WNT11: variants seen among roughly 807,000 people sequenced by gnomAD.
The protein encoded by WNT11 is Wnt family member 11.
Under a neutral mutation model 35.6 loss-of-function variants are expected in WNT11, and 20 were observed. That is an observed-to-expected ratio of 0.56 (90% CI 0.40 to 0.82). The LOEUF (loss-of-function observed/expected upper bound fraction) is 0.82, where lower values mean the gene tolerates loss of function less well. Among genes scored for constraint, WNT11 ranks in the 40% least tolerant of loss-of-function variants. The probability of loss-of-function intolerance (pLI) is 0.00; values close to 1 mark genes in which losing one functional copy is unlikely to be tolerated. For synonymous variants in WNT11, 200 were observed against 211.9 expected, an observed-to-expected ratio of 0.94 and a Z score of 0.49; for missense variants, 459 against 504.4, an observed-to-expected ratio of 0.91 and a Z score of 0.86.
At chr11:76,200,361 G>T (rs1016100047) in intron 1 of WNT11, among the ~76,000 whole-genome samples, 14 of 152,202 alleles carry the variant, frequency 9.2e-5, no homozygotes, top group Non-Finnish European at 1.8e-4. Flanking sequence ...ACCTGTTGCT[G>T]AACCCTGCCT....
At chr11:76,204,290 A>G (rs1953433887) in intron 1 of WNT11, among the ~76,000 whole-genome samples, 1 of 152,284 alleles carries the variant, frequency 6.6e-6, no homozygotes, top group Admixed American at 6.5e-5. Flanking sequence ...TTGCTAGACT[A>G]TCAGTTTCTC....
Position 76,194,810 on chromosome 11 carries a change from C to G in WNT11, c.354G>C (p.Ser118=). The change falls in exon 3 of 5, where the codon TCG becomes TCC. Residue 118 remains serine, a synonymous_variant. Coordinates refer to ENST00000322563, the MANE Select transcript of WNT11 (RefSeq NM_004626.3). This position sits in a 1 kb window ranked among gnomAD's most constrained non-coding sequence, Gnocchi z 5.4. ...CGATGGCGTGGCTGATGGCGGCGGC[C>G]GACAGCGCATACACGAAGGCCGACT... The part of the protein sequence containing the change: ...TRESAFVYAL[S]AAAISHAIAR... 1 of 1,546,316 alleles carries G rather than the reference C, an allele frequency of 6.5e-7. No individual in the cohort carries two copies. The highest frequency in any genetic ancestry group is 8.7e-7 in the Non-Finnish European group (1 of 1,152,768).
chr11:76,199,487 G>A (rs1442349629), intron 1 of WNT11, among the ~76,000 whole-genome samples: 1 of 147,292 alleles, frequency 6.8e-6, no homozygotes. Context: ...AAAAAAAAAA[G>A]GCTATGGTGA....
At chr11:76,200,546 A>G (rs913439255) in intron 1 of WNT11, among the ~76,000 whole-genome samples, 27 of 151,918 alleles carry the variant, frequency 1.8e-4, no homozygotes, top group East Asian at 1.5e-3. Flanking sequence ...AGAGCCTCCC[A>G]CTTCACACCT....
Position 76,194,768 on chromosome 11 carries a change from G to A in WNT11, c.396C>T (p.Ser132=), listed in dbSNP as rs1004801935. ...ISHAIARACT[S]GDLPGCSCGP... is the part of the protein sequence containing the mutation. Reference sequence around the variant, plus strand: ...CGCAGGAGCAGCCGGGCAGGTCGCCGGAGGTGCAGGCCCGGGCGATGGCGT... The same window carrying A: ...CGCAGGAGCAGCCGGGCAGGTCGCCAGAGGTGCAGGCCCGGGCGATGGCGT... Residue 132 remains serine, a synonymous_variant, in exon 3 of 5, where the codon TCC becomes TCT. Coordinates refer to ENST00000322563, the MANE Select transcript of WNT11 (RefSeq NM_004626.3). The surrounding 1 kb of genome is among the most constrained non-coding windows in gnomAD (Gnocchi z 5.4). 9 of 1,557,088 alleles carry A rather than the reference G, an allele frequency of 5.8e-6. No homozygotes were observed. The highest frequency in any genetic ancestry group is 5.4e-5 in the African/African-American group (4 of 73,542).
At chr11:76,195,275 C>T (rs779754553) in intron 2 of WNT11, among the ~76,000 whole-genome samples, 4 of 152,198 alleles carry the variant, frequency 2.6e-5, no homozygotes, top group Non-Finnish European at 5.9e-5. Context: ...AATCTTATGA[C>T]GAAGTGGGGT....
chr11:76,204,450 C>A (rs1953437971), intron 1 of WNT11, among the ~76,000 whole-genome samples: 1 of 152,188 alleles, frequency 6.6e-6, no homozygotes, highest in African/African-American at 2.4e-5. Context: ...GCTGTGCCTC[C>A]CGCCTAGGAC....
chr11:76,200,340 C>T (rs1051779875), intron 1 of WNT11, among the ~76,000 whole-genome samples: 6 of 152,232 alleles, frequency 3.9e-5, no homozygotes, highest in African/African-American at 1.2e-4. Context: ...CTGGCCTCAC[C>T]TTCTTGGGGA....
intron 1 of WNT11, 127 bp downstream of exon 1, chr11:76,206,198 G>A: frequency 7.3e-6 from 6 of 825,442 alleles, no homozygotes; most frequent in Non-Finnish European, 8.5e-6. Flanking sequence ...GGGATGACTT[G>A]CCCACGACCG....
chr11:76,208,752 T>G (rs1953512336), upstream of WNT11, among the ~76,000 whole-genome samples: 1 of 152,146 alleles, frequency 6.6e-6, no homozygotes, highest in Admixed American at 6.5e-5. Context: ...CCCAGCTCTT[T>G]CGGTGCAGCC....
rs58010691 is a variant in WNT11 at position 76,198,137 on chromosome 11, T to A, written c.84-1419A>T. Among the ~76,000 whole-genome samples, 1,161 of 152,316 alleles carry A rather than the reference T, an allele frequency of 7.6e-3. 14 individuals carry two copies. Among genetic ancestry groups the A allele is most frequent in the African/African-American group, 0.025 (1,022 of 41,560 alleles). On this transcript the variant is annotated intron_variant, in intron 1 of 4. Transcript: ENST00000322563. ...GGAGGCAGCCCATTGCCAAGGGCAC[T>A]GCACAGGCTTGGGTAGACTCCAGGC...
chr11:76,197,658 T>A (rs1186639872), intron 1 of WNT11, among the ~76,000 whole-genome samples: 1 of 152,114 alleles, frequency 6.6e-6, no homozygotes, highest in African/African-American at 2.4e-5. Context: ...GCTGCTGACT[T>A]CATCCACCTC....
chr11:76,203,099 G>A (rs1953409262), intron 1 of WNT11, among the ~76,000 whole-genome samples: 1 of 152,192 alleles, frequency 6.6e-6, no homozygotes, highest in South Asian at 2.1e-4. Flanking sequence ...GTGCAAGTGG[G>A]GAAACTGAGG....
chr11:76,206,537 C>T (rs1235827555), upstream of WNT11: 33 of 1,222,982 alleles, frequency 2.7e-5, no homozygotes, highest in Non-Finnish European at 3.2e-5. Flanking sequence ...GTTAAGGCGG[C>T]GCGCGGGCGG....
chr11:76,210,453 G>A, upstream of WNT11: 1 of 985,322 alleles, frequency 1.0e-6, no homozygotes, highest in Admixed American at 6.1e-5. Flanking sequence ...GCTGCCCGCT[G>A]CCCGCGACCA....
chr11:76,194,804 G>A lies in WNT11; in HGVS notation c.360C>T (p.Ala120=), dbSNP rs562729530. 70 of 1,548,996 alleles carry A rather than the reference G, an allele frequency of 4.5e-5. No homozygotes were observed. Among genetic ancestry groups the A allele is most frequent in the African/African-American group, 9.5e-5 (7 of 73,324 alleles). ...CCCGGGCGATGGCGTGGCTGATGGCGGCGGCCGACAGCGCATACACGAAGG... is the reference window on the plus strand; with the variant it reads ...CCCGGGCGATGGCGTGGCTGATGGCAGCGGCCGACAGCGCATACACGAAGG... ...ESAFVYALSA[A]AISHAIARAC... is the part of the protein sequence containing the mutation. Residue 120 remains alanine, a synonymous_variant, in exon 3 of 5, where the codon GCC becomes GCT. Coordinates refer to ENST00000322563, the MANE Select transcript of WNT11 (RefSeq NM_004626.3). This position sits in a 1 kb window ranked among gnomAD's most constrained non-coding sequence, Gnocchi z 5.4.
At chr11:76,202,647 G>C (rs12226326) in intron 1 of WNT11, among the ~76,000 whole-genome samples, 1 of 152,152 alleles carries the variant, frequency 6.6e-6, no homozygotes, top group Non-Finnish European at 1.5e-5. Context: ...TCTAGGAACC[G>C]GGGAGAGGTC....
intron 1 of WNT11, among the ~76,000 whole-genome samples, chr11:76,205,950 G>A (rs372188407): frequency 7.2e-5 from 11 of 152,262 alleles, no homozygotes; most frequent in African/African-American, 2.6e-4. Flanking sequence ...CTCCCGCTAG[G>A]GTCAAGGAGA....
chr11:76,206,377 G>A lies in WNT11; in HGVS notation c.31C>T (p.Leu11=). Reference sequence around the variant, plus strand: ...GTCTGGAGCGCCAGGGCGAAGAGCAGCGCCTCGCAGACCTGCGGCCGCGCC... The same window carrying A: ...GTCTGGAGCGCCAGGGCGAAGAGCAACGCCTCGCAGACCTGCGGCCGCGCC... MRARPQVCEA[L]LFALALQTGV... is the part of the protein sequence containing the mutation. Residue 11 remains leucine, a synonymous_variant, in exon 1 of 5, where the codon CTG becomes TTG. Transcript: ENST00000322563. 2 of 1,559,182 alleles carry A rather than the reference G, an allele frequency of 1.3e-6. No individual in the cohort carries two copies. The highest frequency in any genetic ancestry group is 1.4e-5 in the African/African-American group (1 of 72,484).
Sources: allele counts gnomAD v4.1 joint callset (sites outside exome capture counted in the v4.1 genomes callset), GRCh38; gene constraint gnomAD v4.1.1; non-coding constraint Gnocchi (gnomAD v3.1); transcripts MANE v1.5; gene names NCBI Gene and HGNC (gene_info 2026-07-23, HGNC 2026-07-21).